Variants in THSD4 observed in about 807,000 individuals in gnomAD.
THSD4 encodes the protein thrombospondin type-1 domain-containing protein 4.
THSD4 carries 69 observed loss-of-function variants against 119.0 expected under a neutral mutation model. The observed-to-expected ratio is 0.58, with a 90% CI of 0.48 to 0.71. The LOEUF (loss-of-function observed/expected upper bound fraction) is 0.71. Ranked by LOEUF, THSD4 falls within the 30% of genes least tolerant of loss-of-function variation. The probability of loss-of-function intolerance (pLI) is 0.00; values close to 1 mark genes in which losing one functional copy is unlikely to be tolerated. For missense variants in THSD4, 1,393 were observed against 1,391.1 expected (o/e 1.00, Z -0.02); for synonymous variants, 524 against 540.4 (o/e 0.97, Z 0.42).
intron 7 of THSD4, among the ~76,000 whole-genome samples, chr15:71,483,558 CT>C (rs1567001776): frequency 6.6e-6 from 1 of 151,776 alleles, no homozygotes; most frequent in Non-Finnish European, 1.5e-5. Flanking sequence ...AGCCTTCGTT[CT>C]TTTTTTAATT....
chr15:71,434,951 T>G (rs1156747549), intron 7 of THSD4, among the ~76,000 whole-genome samples: 2 of 152,162 alleles, frequency 1.3e-5, no homozygotes, highest in Non-Finnish European at 2.9e-5. Context: ...ATGATTCATC[T>G]CTAAAGAGGT....
At chr15:71,736,675 C>CCTCTCTCTCTTT (rs1396165879) in intron 10 of THSD4, among the ~76,000 whole-genome samples, 1 of 152,026 alleles carries the variant, frequency 6.6e-6, no homozygotes, top group African/African-American at 2.4e-5. Context: ...GTCTCTCTCT[C>CCTCTCTCTCTTT]CTCTCTCTCT....
At chr15:71,200,968 C>T (rs1293423899) in intron 3 of THSD4, among the ~76,000 whole-genome samples, 2 of 152,124 alleles carry the variant, frequency 1.3e-5, no homozygotes, top group Non-Finnish European at 1.5e-5. Flanking sequence ...TGGCTGTGCT[C>T]ACTTATAATC....
chr15:71,275,209 G>A (rs1355333290), intron 6 of THSD4, among the ~76,000 whole-genome samples: 7 of 151,834 alleles, frequency 4.6e-5, no homozygotes, highest in Non-Finnish European at 1.0e-4. Flanking sequence ...CAAGCTGAGA[G>A]CAGCGATTTG....
chr15:71,766,443 G>C (rs887304382), intron 16 of THSD4, among the ~76,000 whole-genome samples: 2 of 152,100 alleles, frequency 1.3e-5, no homozygotes, highest in African/African-American at 4.8e-5. Context: ...ATCCAAGGGT[G>C]ATAAAAGGGA....
chr15:71,743,188 AGC>A (rs1251788335), intron 11 of THSD4, among the ~76,000 whole-genome samples: 1 of 152,028 alleles, frequency 6.6e-6, no homozygotes, highest in African/African-American at 2.4e-5. Flanking sequence ...AGGGAAGACA[AGC>A]AGTGGCCAGG....
rs567458577 is a variant in THSD4, at chr15:71,375,387, G to T, written c.1016-36300G>T. Among the ~76,000 whole-genome samples the T allele has an allele frequency of 3.9e-5, 6 of 152,220 alleles. No homozygotes were observed. In the East Asian group the frequency reaches 1.2e-3, roughly 29 times the overall value. ...TTTTCTGACCTTCCAAGACCGAGTTGGATGCTCTGGTTCTGTGTTCTCATC... is the reference window on the plus strand; with the variant it reads ...TTTTCTGACCTTCCAAGACCGAGTTTGATGCTCTGGTTCTGTGTTCTCATC... On this transcript the variant is annotated intron_variant, in intron 6 of 17. Coordinates refer to ENST00000261862, the MANE Select transcript of THSD4 (RefSeq NM_024817.3).
rs1217811069 is a variant in THSD4 at position 71,731,496 on chromosome 15, A to T, written c.1630+279A>T. On this transcript the variant is annotated intron_variant, in intron 10 of 17. Transcript: ENST00000261862. ...TTTGAAATGCTTTATACTAGTTTCC[A>T]GGCCAGACAAGGGGGCTCATGCCTG... The T allele has an allele frequency of 1.5e-5, 6 of 398,522 alleles. No homozygotes were observed. The South Asian group carries it at 1.6e-4, about 10-fold the overall frequency. The allele number at this position is 398,522 out of a possible 1,614,324, so 24.7% of individuals were successfully genotyped here.
intron 7 of THSD4, among the ~76,000 whole-genome samples, chr15:71,624,541 G>A (rs1355801145): frequency 6.6e-6 from 1 of 152,154 alleles, no homozygotes; most frequent in African/African-American, 2.4e-5. Context: ...TAATCAATAT[G>A]GAAGGCATTT....
chr15:71,608,308 CA>C (rs1410915847), intron 7 of THSD4, among the ~76,000 whole-genome samples: 5 of 142,840 alleles, frequency 3.5e-5, no homozygotes, highest in Admixed American at 3.5e-4. Context: ...TGATAAAACT[CA>C]AAAAGTAGAA....
chr15:71,229,372 T>C (rs2044043341), intron 4 of THSD4, among the ~76,000 whole-genome samples: 1 of 152,226 alleles, frequency 6.6e-6, no homozygotes, highest in African/African-American at 2.4e-5. Flanking sequence ...GGGATTGATA[T>C]TGATTCCAGG....
At chr15:71,551,289 G>A (rs569976981) in intron 7 of THSD4, among the ~76,000 whole-genome samples, 4 of 152,188 alleles carry the variant, frequency 2.6e-5, no homozygotes, top group Non-Finnish European at 5.9e-5. Context: ...AAAAAGAAAG[G>A]TGAAAAGACC....
chr15:71,622,720 T>TG (rs2050439445), intron 7 of THSD4, among the ~76,000 whole-genome samples: 1 of 152,200 alleles, frequency 6.6e-6, no homozygotes, highest in South Asian at 2.1e-4. Context: ...GAAGTCCTGA[T>TG]GAAGAGTTTA....
chr15:71,363,426 C>G (rs1014216287), intron 6 of THSD4, among the ~76,000 whole-genome samples: 4 of 152,048 alleles, frequency 2.6e-5, no homozygotes, highest in African/African-American at 9.7e-5. Flanking sequence ...TCCTGGTGTG[C>G]ATGTGTGTAC....
At chr15:71,301,381 C>T (rs1048200037) in intron 6 of THSD4, among the ~76,000 whole-genome samples, 6 of 152,248 alleles carry the variant, frequency 3.9e-5, no homozygotes, top group African/African-American at 1.2e-4. Flanking sequence ...TTTCACGGCT[C>T]CAAGTATCTC....
chr15:71,768,597 C>T (rs1428337356), intron 16 of THSD4, among the ~76,000 whole-genome samples: 6 of 128,318 alleles, frequency 4.7e-5, no homozygotes, highest in African/African-American at 1.7e-4. Flanking sequence ...GACAAAGTCT[C>T]ACTCTTGCCC....
At chr15:71,271,250 A>G (rs937753613) in intron 6 of THSD4, among the ~76,000 whole-genome samples, 2 of 152,244 alleles carry the variant, frequency 1.3e-5, no homozygotes, top group African/African-American at 4.8e-5. Flanking sequence ...ACTGAATAAA[A>G]AAATTGTGGT....
At chr15:71,554,727 CT>C (rs34568649) in intron 7 of THSD4, among the ~76,000 whole-genome samples, 68,159 of 148,064 alleles carry the variant, frequency 0.46, 17,307 homozygotes, top group African/African-American at 0.71. Flanking sequence ...AAAAAGTTAC[CT>C]TTTTTTTTTT....
chr15:71,101,585 C>T (rs1295851379), intron 1 of THSD4, among the ~76,000 whole-genome samples: 2 of 152,174 alleles, frequency 1.3e-5, no homozygotes, highest in Non-Finnish European at 2.9e-5. Context: ...TTCTCCTTAG[C>T]ATTTCTTATG....
Sources: gnomAD v4.1 joint callset for allele counts (sites outside exome capture counted in the v4.1 genomes callset) on GRCh38, gnomAD v4.1.1 for gene constraint, MANE v1.5 for transcripts, NCBI Gene and HGNC (gene_info 2026-07-23, HGNC 2026-07-21) for gene names.